BTD: variants seen among roughly 807,000 people sequenced by gnomAD.
BTD encodes the protein biocytinase.
Under a neutral mutation model 17.7 loss-of-function variants are expected in BTD, and 13 were observed. The ratio of observed to expected loss-of-function variants is 0.74; its 90% CI spans 0.48 to 1.17. BTD has a LOEUF of 1.17. BTD is among the 50% of genes most tolerant of loss of function. The pLI is 0.00. For missense variants in BTD, 674 were observed against 650.4 expected (o/e 1.04, Z -0.39); for synonymous variants, 240 against 245.2 (o/e 0.98, Z 0.20).
chr3:15,688,042 T>C (rs750664173), intron 3 of BTD, among the ~76,000 whole-genome samples: 3 of 152,218 alleles, frequency 2.0e-5, no homozygotes, highest in Non-Finnish European at 4.4e-5. Flanking sequence ...ATTGAATAGA[T>C]AGGCACTAAG....
At chr3:15,601,361 A>G, upstream of BTD, 1 of 1,613,790 alleles carries the variant, frequency 6.2e-7, no homozygotes, top group South Asian at 1.1e-5. Flanking sequence ...GGAGCCTTTC[A>G]TTCCAGGAAG....
chr3:15,696,604 T>C (rs1441208340), intron 3 of BTD, among the ~76,000 whole-genome samples: 1 of 152,076 alleles, frequency 6.6e-6, no homozygotes, highest in Admixed American at 6.6e-5. Context: ...GTACATAATA[T>C]TGGCAATATT....
At chr3:15,612,307 A>C (rs2064660040) in intron 1 of BTD, among the ~76,000 whole-genome samples, 1 of 152,190 alleles carries the variant, frequency 6.6e-6, no homozygotes. Flanking sequence ...GACTGATGAG[A>C]ATAATAGTCC....
At chr3:15,637,186 C>G (rs1345218307) in intron 2 of BTD, among the ~76,000 whole-genome samples, 1 of 152,120 alleles carries the variant, frequency 6.6e-6, no homozygotes, top group Non-Finnish European at 1.5e-5. Flanking sequence ...TTCCACAGTT[C>G]CTTAGGAGAC....
intron 1 of BTD, among the ~76,000 whole-genome samples, chr3:15,616,342 C>T (rs563459173): frequency 2.6e-5 from 4 of 152,148 alleles, no homozygotes; most frequent in South Asian, 2.1e-4. Flanking sequence ...GGGCCGGGCG[C>T]GGTGGCTCAC....
chr3:15,601,548 C>G (rs1347092151), upstream of BTD: 12 of 1,604,572 alleles, frequency 7.5e-6, no homozygotes, highest in African/African-American at 1.3e-5. Flanking sequence ...CGGCAGCACG[C>G]CACCTCTGGT....
Position 15,635,370 on chromosome 3 carries a change from T to G in BTD, c.-16-54T>G. 6.2e-7 allele frequency: 1 copy of G among 1,612,726 alleles called. No homozygotes were observed. The highest frequency in any genetic ancestry group is 8.5e-7 in the Non-Finnish European group (1 of 1,179,208). ...ATAAATCACAGCTGCAAACGTTAAA[T>G]TCTTGGCAGGATTCTTTATTCAGCT... On this transcript the variant is annotated intron_variant, in intron 1 of 3. Coordinates refer to ENST00000643237, the MANE Select transcript of BTD (RefSeq NM_001370658.1). This position sits in a 1 kb window ranked among gnomAD's most constrained non-coding sequence, Gnocchi z 4.1.
chr3:15,622,781 C>A (rs1305291852), intron 1 of BTD, among the ~76,000 whole-genome samples: 3 of 152,188 alleles, frequency 2.0e-5, no homozygotes, highest in Non-Finnish European at 4.4e-5. Flanking sequence ...GTTGAATTAA[C>A]CCCTTTATCA....
At chr3:15,620,490 T>C (rs1363849240) in intron 1 of BTD, among the ~76,000 whole-genome samples, 1 of 152,218 alleles carries the variant, frequency 6.6e-6, no homozygotes, top group Admixed American at 6.5e-5. Context: ...CTTATGGTTG[T>C]CTTCCCTTGT....
chr3:15,717,403 T>C (rs2073193355), downstream of BTD, among the ~76,000 whole-genome samples: 1 of 152,130 alleles, frequency 6.6e-6, no homozygotes, highest in Admixed American at 6.6e-5. Flanking sequence ...CTAAAAAGTT[T>C]GCCATAAGAC....
At chr3:15,693,944 G>A (rs2069163766) in intron 3 of BTD, among the ~76,000 whole-genome samples, 1 of 152,124 alleles carries the variant, frequency 6.6e-6, no homozygotes, top group Non-Finnish European at 1.5e-5. Context: ...AACTGAACTT[G>A]TAGTGTTCCA....
intron 3 of BTD, chr3:15,708,173 G>T: frequency 1.6e-6 from 2 of 1,278,786 alleles, no homozygotes; most frequent in Non-Finnish European, 2.2e-6. Flanking sequence ...TATTTACAGT[G>T]AGACTTAGAC....
intron 1 of BTD, among the ~76,000 whole-genome samples, chr3:15,608,327 G>T (rs543522185): frequency 2.6e-5 from 4 of 151,594 alleles, no homozygotes; most frequent in African/African-American, 9.8e-5. Context: ...TGTTTTTTGT[G>T]TTTTTTTAAG....
Position 15,645,299 on chromosome 3 carries a change from A to G in BTD, c.1383A>G (p.Ile461Met). Residue 461 changes from isoleucine (I) to methionine (M), a missense_variant, in exon 4 of 4, where the codon ATA becomes ATG. Physicochemically the swap from Ile to Met is conservative, Grantham distance 10. Transcript: ENST00000643237. ...AGGAAATCACAGAGGCCACGGGGAT[A>G]TTTGAGTTTCACCTGTGGGGCAACT... is the stretch of plus-strand genomic sequence containing the variant. ...CGQEITEATG[I>M]FEFHLWGNFS... The G allele has an allele frequency of 6.2e-7, 1 of 1,614,204 alleles. No individual in the cohort carries two copies. Among genetic ancestry groups the G allele is most frequent in the Non-Finnish European group, 8.5e-7 (1 of 1,180,040 alleles).
At chr3:15,706,085 T>C (rs1413994012) in intron 3 of BTD, among the ~76,000 whole-genome samples, 1 of 151,716 alleles carries the variant, frequency 6.6e-6, no homozygotes, top group African/African-American at 2.4e-5. Context: ...GTGTGTGTGA[T>C]TCTGAAATCT....
intron 1 of BTD, among the ~76,000 whole-genome samples, chr3:15,618,245 G>C (rs1338997694): frequency 1.3e-5 from 2 of 152,204 alleles, no homozygotes; most frequent in African/African-American, 4.8e-5. Context: ...GAGCTTACAG[G>C]CATAAGCCAC....
At chr3:15,701,163 G>C (rs1043801412) in intron 3 of BTD, among the ~76,000 whole-genome samples, 31 of 152,238 alleles carry the variant, frequency 2.0e-4, no homozygotes, top group African/African-American at 6.3e-4. Context: ...AAATATATGA[G>C]AGCCATTATT....
At chr3:15,690,418 A>C (rs2068637201) in intron 3 of BTD, among the ~76,000 whole-genome samples, 3 of 152,206 alleles carry the variant, frequency 2.0e-5, no homozygotes, top group Admixed American at 6.5e-5. Flanking sequence ...GTGTTAGGGA[A>C]CAGGCATTCT....
At chr3:15,632,690 C>G (rs1008416417) in intron 1 of BTD, 1 of 152,298 alleles carries the variant, frequency 6.6e-6, no homozygotes, top group African/African-American at 2.4e-5. Context: ...CCCCAGTCGT[C>G]CCGTGCATAA....
Sources: allele counts gnomAD v4.1 joint callset (sites outside exome capture counted in the v4.1 genomes callset), GRCh38; gene constraint gnomAD v4.1.1; non-coding constraint Gnocchi (gnomAD v3.1); transcripts MANE v1.5; gene names NCBI Gene and HGNC (gene_info 2026-07-23, HGNC 2026-07-21).